The following UBE2E2 variants were observed in gnomAD, a reference collection of about 807,000 sequenced individuals.
UBE2E2 encodes the protein ubiquitin conjugating enzyme E2 E2.
In UBE2E2, 6 loss-of-function variants were observed where a neutral mutation model predicts 24.7. That is an observed-to-expected ratio of 0.24 (90% CI 0.13 to 0.48). The LOEUF (loss-of-function observed/expected upper bound fraction) is 0.48, where lower values mean the gene tolerates loss of function less well. UBE2E2 is among the 20% of genes least tolerant of loss of function. UBE2E2 has a pLI of 0.99. For synonymous variants in UBE2E2, 104 were observed against 83.6 expected, an observed-to-expected ratio of 1.24 and a Z score of -1.33; for missense variants, 169 against 245.0, an observed-to-expected ratio of 0.69 and a Z score of 2.07.
intron 5 of UBE2E2, among the ~76,000 whole-genome samples, chr3:23,570,245 A>T (rs1559425453): frequency 6.6e-6 from 1 of 152,162 alleles, no homozygotes; most frequent in African/African-American, 2.4e-5. Context: ...CATGGTTGTC[A>T]TCTTCCTGCA....
intron 1 of UBE2E2, among the ~76,000 whole-genome samples, chr3:23,204,449 C>T (rs559148179): frequency 6.6e-6 from 1 of 152,254 alleles, no homozygotes; most frequent in South Asian, 2.1e-4. Flanking sequence ...AGGGTTTACC[C>T]TCAAAGTATC....
At chr3:23,212,050 A>G (rs543446910) in intron 2 of UBE2E2, among the ~76,000 whole-genome samples, 72 of 152,336 alleles carry the variant, frequency 4.7e-4, no homozygotes, top group African/African-American at 1.7e-3. Flanking sequence ...CTCAGTTATT[A>G]TATGAAATGT....
chr3:23,320,256 AGTT>A (rs1284542062), intron 3 of UBE2E2, among the ~76,000 whole-genome samples: 1 of 152,308 alleles, frequency 6.6e-6, no homozygotes, highest in African/African-American at 2.4e-5. Context: ...AAGGAGTTCA[AGTT>A]GTTATTATCT....
At chr3:23,326,576 A>G (rs1328447902) in intron 3 of UBE2E2, among the ~76,000 whole-genome samples, 2 of 152,188 alleles carry the variant, frequency 1.3e-5, no homozygotes, top group Non-Finnish European at 2.9e-5. Flanking sequence ...TTTATGATTA[A>G]TGTCACATAT....
chr3:23,427,484 G>A (rs1286589487), intron 3 of UBE2E2, among the ~76,000 whole-genome samples: 2 of 152,048 alleles, frequency 1.3e-5, no homozygotes, highest in Non-Finnish European at 2.9e-5. Context: ...CAGAAAAGGA[G>A]TGAAAGTAAA....
At chr3:23,440,482 AC>A (rs1233747345) in intron 3 of UBE2E2, among the ~76,000 whole-genome samples, 1 of 152,192 alleles carries the variant, frequency 6.6e-6, no homozygotes, top group Non-Finnish European at 1.5e-5. Context: ...TAACATTTAC[AC>A]TTCAAAATCT....
intron 3 of UBE2E2, among the ~76,000 whole-genome samples, chr3:23,268,165 T>C (rs1311282532): frequency 5.3e-5 from 8 of 149,992 alleles, no homozygotes; most frequent in African/African-American, 2.0e-4. Context: ...TTTCCCTCTC[T>C]CACCACTCCT....
intron 3 of UBE2E2, among the ~76,000 whole-genome samples, chr3:23,408,601 C>A (rs1203548673): frequency 6.6e-6 from 1 of 152,000 alleles, no homozygotes; most frequent in Admixed American, 6.6e-5. Flanking sequence ...ATATATAGGA[C>A]CTGAATTTGA....
chr3:23,234,171 A>C (rs1375523467), intron 3 of UBE2E2, among the ~76,000 whole-genome samples: 1 of 150,422 alleles, frequency 6.6e-6, no homozygotes, highest in African/African-American at 2.4e-5. Flanking sequence ...AGAGTGTTGC[A>C]CATGGTTTCT....
chr3:23,428,928 TAAAA>T (rs34525850), intron 3 of UBE2E2, among the ~76,000 whole-genome samples: 6 of 75,902 alleles, frequency 7.9e-5, no homozygotes, highest in Non-Finnish European at 1.2e-4. Context: ...CTCTGTCTCT[TAAAA>T]AAAAAAAAAA....
intron 3 of UBE2E2, among the ~76,000 whole-genome samples, chr3:23,303,979 C>T (rs958890505): frequency 6.6e-6 from 1 of 152,214 alleles, no homozygotes; most frequent in Non-Finnish European, 1.5e-5. Flanking sequence ...GAGCTGGATT[C>T]TTCCCAGGGC....
At chr3:23,287,530 G>T (rs192558980) in intron 3 of UBE2E2, among the ~76,000 whole-genome samples, 2 of 152,080 alleles carry the variant, frequency 1.3e-5, no homozygotes, top group East Asian at 3.9e-4. Context: ...ATAAAATTCG[G>T]CCTTGAAGCC....
At chr3:23,317,531 G>C (rs753102121) in intron 3 of UBE2E2, among the ~76,000 whole-genome samples, 8 of 152,188 alleles carry the variant, frequency 5.3e-5, no homozygotes, top group Non-Finnish European at 1.2e-4. Context: ...ATTTATACAG[G>C]ATAAAGGGTT....
intron 3 of UBE2E2, among the ~76,000 whole-genome samples, chr3:23,333,325 T>C (rs1049575176): frequency 3.9e-5 from 6 of 152,240 alleles, no homozygotes; most frequent in African/African-American, 1.4e-4. Flanking sequence ...TCGAAGGCTA[T>C]AAAAGACTGA....
chr3:23,446,703 T>TTTG (rs1553612091), intron 3 of UBE2E2, among the ~76,000 whole-genome samples: 10 of 140,366 alleles, frequency 7.1e-5, no homozygotes, highest in Non-Finnish European at 1.1e-4. Flanking sequence ...TGTTTGGTTT[T>TTTG]TTTTTTTTTT....
chr3:23,498,843 A>G (rs1457963501), intron 3 of UBE2E2, among the ~76,000 whole-genome samples: 6 of 152,094 alleles, frequency 3.9e-5, no homozygotes, highest in Admixed American at 3.3e-4. Context: ...GAACTAATAC[A>G]ATTCACTCGA....
intron 3 of UBE2E2, among the ~76,000 whole-genome samples, chr3:23,375,536 A>C (rs6795968): frequency 0.55 from 82,880 of 151,942 alleles, 22,823 homozygotes; most frequent in Admixed American, 0.66. Flanking sequence ...ACAATAAATG[A>C]GTGAGTGATA....
At position 23,300,105 on chromosome 3, in the gene UBE2E2, AC is replaced by A. The variant is rs2125260853; in HGVS notation, c.227+82797del. Among the ~76,000 whole-genome samples the A allele has an allele frequency of 2.0e-5, 3 of 151,980 alleles. No individual in the cohort carries two copies. The East Asian group carries it at 5.8e-4, about 29-fold the overall frequency. ...TGTTTTATCAGAGACTAGGATTGCA[AC>A]CCCTGCCTTTTTTGTCTTCCATTTG... On this transcript the variant is annotated intron_variant, in intron 3 of 5. Transcript: ENST00000396703.
chr3:23,442,586 C>T (rs1055580671), intron 3 of UBE2E2, among the ~76,000 whole-genome samples: 5 of 152,132 alleles, frequency 3.3e-5, no homozygotes, highest in Admixed American at 1.3e-4. Flanking sequence ...AGGCACTGAG[C>T]TTTCTGTGTT....
Sources: gnomAD v4.1 joint callset for allele counts (sites outside exome capture counted in the v4.1 genomes callset) on GRCh38, gnomAD v4.1.1 for gene constraint, MANE v1.5 for transcripts, NCBI Gene and HGNC (gene_info 2026-07-23, HGNC 2026-07-21) for gene names.